Variants in IL15RA observed in about 807,000 individuals in gnomAD.
IL15RA encodes interleukin-15 receptor subunit alpha.
IL15RA carries 26 observed loss-of-function variants against 24.2 expected under a neutral mutation model. That is an observed-to-expected ratio of 1.07 (90% CI 0.79 to 1.49). IL15RA has a LOEUF of 1.49. Among genes scored for constraint, IL15RA ranks in the 40% most tolerant of loss-of-function variants. The probability of loss-of-function intolerance (pLI) is 0.00; values close to 1 mark genes in which losing one functional copy is unlikely to be tolerated. For synonymous variants in IL15RA, 166 were observed against 157.6 expected (o/e 1.05, Z -0.40); for missense variants, 354 against 356.4 (o/e 0.99, Z 0.05).
In IL15RA at chr10:5,953,239, G is replaced by C. The variant is rs1389399496; in HGVS notation, c.693-33C>G. On this transcript the variant is annotated intron_variant, in intron 6 of 6. Transcript: ENST00000379977. The surrounding 1 kb of genome is among the most constrained non-coding windows in gnomAD (Gnocchi z 5.3). ...GCAGGTGGTTCATAGGTTTTGAAAA[G>C]AGGAGGGGGTTGCCCTCAAATCAAC... 6.6e-7 allele frequency: 1 copy of C among 1,510,258 alleles called. No homozygotes were observed. Among genetic ancestry groups the C allele is most frequent in the Non-Finnish European group, 9.2e-7 (1 of 1,085,210 alleles). The allele number at this position is 1,510,258 out of a possible 1,614,324, so 93.6% of individuals were successfully genotyped here. A position where few individuals can be genotyped will look rare whatever the true frequency, so the allele number is the denominator to read the frequency against.
In IL15RA at chr10:5,964,091, A is replaced by G. The variant is rs1836067745; in HGVS notation, c.284-250T>C. The stretch of plus-strand genomic sequence containing the variant: ...TATCAAATTTATTTTGGCTGAGATT[A>G]TATTAATGATATCAATTCAATTTTA... On this transcript the variant is annotated intron_variant, in intron 2 of 6. Transcript: ENST00000379977. This position sits in a 1 kb window ranked among gnomAD's most constrained non-coding sequence, Gnocchi z 5.6. Among the ~76,000 whole-genome samples the G allele has an allele frequency of 6.6e-6, 1 of 152,254 alleles. No individual in the cohort carries two copies. Among genetic ancestry groups the G allele is most frequent in the Admixed American group, 6.5e-5 (1 of 15,286 alleles).
In IL15RA at chr10:5,955,715, T is replaced by C. The variant is rs549154567; in HGVS notation, c.692+664A>G. Among the ~76,000 whole-genome samples, 1 of 152,332 alleles carries C rather than the reference T, an allele frequency of 6.6e-6. No homozygotes were observed. Among genetic ancestry groups the C allele is most frequent in the Non-Finnish European group, 1.5e-5 (1 of 68,034 alleles). On this transcript the variant is annotated intron_variant, in intron 6 of 6. Transcript: ENST00000379977. This position sits in a 1 kb window ranked among gnomAD's most constrained non-coding sequence, Gnocchi z 5.3. ...TAGAAATACAAAATTAAGGCTAACATGAATCAGTATATTTATAAGAAGGCA... is the reference window on the plus strand; with the variant it reads ...TAGAAATACAAAATTAAGGCTAACACGAATCAGTATATTTATAAGAAGGCA...
chr10:5,957,651 G>A (rs117549019), intron 5 of IL15RA, among the ~76,000 whole-genome samples: 2,277 of 149,012 alleles, frequency 0.015, 44 homozygotes, highest in South Asian at 0.06. Context: ...GGAGTGCAGC[G>A]GCTCGAGTTT....
chr10:5,950,477 A>G (rs1477170094), downstream of IL15RA, among the ~76,000 whole-genome samples: 2 of 152,138 alleles, frequency 1.3e-5, no homozygotes, highest in Admixed American at 6.5e-5. This position sits in a 1 kb window ranked among gnomAD's most constrained non-coding sequence, Gnocchi z 5.6. Context: ...CTGCCCATTC[A>G]TTCACCCAAA....
rs8177784 is a variant in IL15RA, at chr10:5,959,710, G to A, written c.616+44C>T. 0.018 allele frequency: 29,399 copies of A among 1,595,008 alleles called. 410 individuals carry two copies. The highest frequency in any genetic ancestry group is 0.042 in the Middle Eastern group (254 of 6,010). ...GGACCACCCAGCACCCTGGGACTGC[G>A]GTCACCCTGATCATAAACATACCGG... On this transcript the variant is annotated intron_variant, in intron 5 of 6. Coordinates refer to ENST00000379977, the MANE Select transcript of IL15RA (RefSeq NM_002189.4). This position sits in a 1 kb window ranked among gnomAD's most constrained non-coding sequence, Gnocchi z 4.1.
chr10:5,952,444 T>C lies in IL15RA; in HGVS notation c.*651A>G, dbSNP rs1394228169. 2.0e-5 allele frequency: 3 copies of C among 152,688 alleles called. No homozygotes were observed. The highest frequency in any genetic ancestry group is 7.2e-5 in the African/African-American group (3 of 41,458). The allele number at this position is 152,688 out of a possible 1,614,324, so 9.5% of individuals were successfully genotyped here. On this transcript the variant is annotated 3_prime_UTR_variant, in exon 7 of 7. Coordinates refer to ENST00000379977, the MANE Select transcript of IL15RA (RefSeq NM_002189.4). ...GTACAATGTCAAAATACAAATAATA[T>C]ATAATGTATAGATATAATAGACAAG...
At chr10:5,949,064 ACTG>A, downstream of IL15RA, 1 of 358,248 alleles carries the variant, frequency 2.8e-6, no homozygotes, top group Non-Finnish European at 5.7e-6. This position sits in a 1 kb window ranked among gnomAD's most constrained non-coding sequence, Gnocchi z 4.4. Context: ...GAGAGGATTC[ACTG>A]GGCTTAGCAT....
At position 5,964,696 on chromosome 10, in the gene IL15RA, C is replaced by T. The variant is rs1017026971; in HGVS notation, c.284-855G>A. Among the ~76,000 whole-genome samples the T allele has an allele frequency of 1.3e-5, 2 of 152,150 alleles. No individual in the cohort carries two copies. The highest frequency in any genetic ancestry group is 4.8e-5 in the African/African-American group (2 of 41,414). ...TCTTCTCCATCCCGGATTCATTTGC[C>T]CAAAGGACATGGAGTGTCGAGGAGA... On this transcript the variant is annotated intron_variant, in intron 2 of 6. Coordinates refer to ENST00000379977, the MANE Select transcript of IL15RA (RefSeq NM_002189.4). The surrounding 1 kb of genome is among the most constrained non-coding windows in gnomAD (Gnocchi z 5.6).
At position 5,968,715 on chromosome 10, in the gene IL15RA, A is replaced by G; in HGVS notation, c.89-2376T>C. The stretch of plus-strand genomic sequence containing the variant: ...CCTTCTCTACCTGCCTAAACCACAG[A>G]GTGTTATTTCTCCACACTTGCCCAC... On this transcript the variant is annotated intron_variant, in intron 1 of 6. Transcript: ENST00000379977. This position sits in a 1 kb window ranked among gnomAD's most constrained non-coding sequence, Gnocchi z 5.4. 2 of 699,714 alleles carry G rather than the reference A, an allele frequency of 2.9e-6. No individual in the cohort carries two copies. The highest frequency in any genetic ancestry group is 2.0e-5 in the Admixed American group (1 of 49,918). The allele number at this position is 699,714 out of a possible 1,614,324, so 43.3% of individuals were successfully genotyped here. A position where few individuals can be genotyped will look rare whatever the true frequency, so the allele number is the denominator to read the frequency against.
At chr10:5,949,865 G>A (rs1833753563), downstream of IL15RA, among the ~76,000 whole-genome samples, 1 of 152,176 alleles carries the variant, frequency 6.6e-6, no homozygotes, top group Non-Finnish European at 1.5e-5. The surrounding 1 kb of genome is among the most constrained non-coding windows in gnomAD (Gnocchi z 4.4). Context: ...GGAGGCTGAG[G>A]CGGTTGGATC....
intron 1 of IL15RA, among the ~76,000 whole-genome samples, chr10:5,972,642 C>G (rs1037392891): frequency 6.6e-6 from 1 of 152,220 alleles, no homozygotes. Context: ...CAACTGCATA[C>G]ATGCCCACAT....
At position 5,956,323 on chromosome 10, in the gene IL15RA, C is replaced by A. The variant is rs1834511451; in HGVS notation, c.692+56G>T. Reference sequence around the variant, plus strand: ...AGCTACCGCGCCCGGCCAGGTGCAGCTCTTTTCTCATGGGGAAGTCTAACT... The same window carrying A: ...AGCTACCGCGCCCGGCCAGGTGCAGATCTTTTCTCATGGGGAAGTCTAACT... On this transcript the variant is annotated intron_variant, in intron 6 of 6. Transcript: ENST00000379977. 2.1e-6 allele frequency: 3 copies of A among 1,443,878 alleles called. No homozygotes were observed. In the South Asian group the frequency reaches 3.4e-5, roughly 17 times the overall value. 89.4% of individuals were successfully genotyped at this position (1,443,878 alleles called of 1,614,324 possible).
Position 5,958,206 on chromosome 10 carries a change from C to A in IL15RA, c.616+1548G>T. On this transcript the variant is annotated intron_variant, in intron 5 of 6. Transcript: ENST00000379977. The surrounding 1 kb of genome is among the most constrained non-coding windows in gnomAD (Gnocchi z 4.3). ...TTGTGTCCTGATATGGGAGGATCTA[C>A]AAGGTATACCAGCAAGTGGAAACAA... 2.5e-6 allele frequency: 1 copy of A among 395,208 alleles called. No individual in the cohort carries two copies. Among genetic ancestry groups the A allele is most frequent in the South Asian group, 1.8e-5 (1 of 55,766 alleles). 24.5% of individuals were successfully genotyped at this position (395,208 alleles called of 1,614,324 possible). A position where few individuals can be genotyped will look rare whatever the true frequency, so the allele number is the denominator to read the frequency against.
At position 5,968,882 on chromosome 10, in the gene IL15RA, A is replaced by G; in HGVS notation, c.89-2543T>C. On this transcript the variant is annotated intron_variant, in intron 1 of 6. Coordinates refer to ENST00000379977, the MANE Select transcript of IL15RA (RefSeq NM_002189.4). The surrounding 1 kb of genome is among the most constrained non-coding windows in gnomAD (Gnocchi z 5.4). Reference sequence around the variant, plus strand: ...TCTGGACCTCATGGTTGAAGCTTTCAGATATTCTGCTCCTTCCCGCCAGGA... The same window carrying G: ...TCTGGACCTCATGGTTGAAGCTTTCGGATATTCTGCTCCTTCCCGCCAGGA... The G allele has an allele frequency of 7.7e-7, 1 of 1,299,852 alleles. No homozygotes were observed. Among genetic ancestry groups the G allele is most frequent in the Middle Eastern group, 1.8e-4 (1 of 5,558 alleles). 80.5% of individuals were successfully genotyped at this position (1,299,852 alleles called of 1,614,324 possible).
Position 5,973,271 on chromosome 10 carries a change from A to C in IL15RA, c.88+4134T>G, listed in dbSNP as rs1012363626. Among the ~76,000 whole-genome samples, 1 of 152,226 alleles carries C rather than the reference A, an allele frequency of 6.6e-6. No homozygotes were observed. The highest frequency in any genetic ancestry group is 1.5e-5 in the Non-Finnish European group (1 of 68,040). On this transcript the variant is annotated intron_variant, in intron 1 of 6. Coordinates refer to ENST00000379977, the MANE Select transcript of IL15RA (RefSeq NM_002189.4). This position sits in a 1 kb window ranked among gnomAD's most constrained non-coding sequence, Gnocchi z 4.5. ...ATATTGATTTGTCCAACCCATGAAC[A>C]TGGTATATCTCTCCATTGATTTTGT...
rs1367256324 is a variant in IL15RA at position 5,963,541 on chromosome 10, T to C, written c.382+202A>G. Among the ~76,000 whole-genome samples, 2 of 152,222 alleles carry C rather than the reference T, an allele frequency of 1.3e-5. No homozygotes were observed. The highest frequency in any genetic ancestry group is 4.8e-5 in the African/African-American group (2 of 41,454). On this transcript the variant is annotated intron_variant, in intron 3 of 6. Coordinates refer to ENST00000379977, the MANE Select transcript of IL15RA (RefSeq NM_002189.4). This position sits in a 1 kb window ranked among gnomAD's most constrained non-coding sequence, Gnocchi z 5.3. Reference sequence around the variant, plus strand: ...TAAACCACTATTAATTCTGCACATATAACACCTGGATATCAAGCAACTTTG... The same window carrying C: ...TAAACCACTATTAATTCTGCACATACAACACCTGGATATCAAGCAACTTTG...
rs1238871111 is a variant in IL15RA, at chr10:5,968,188, A to T, written c.89-1849T>A. Among the ~76,000 whole-genome samples the T allele has an allele frequency of 6.6e-6, 1 of 152,154 alleles. No individual in the cohort carries two copies. Among genetic ancestry groups the T allele is most frequent in the Non-Finnish European group, 1.5e-5 (1 of 68,018 alleles). On this transcript the variant is annotated intron_variant, in intron 1 of 6. Coordinates refer to ENST00000379977, the MANE Select transcript of IL15RA (RefSeq NM_002189.4). The surrounding 1 kb of genome is among the most constrained non-coding windows in gnomAD (Gnocchi z 5.4). ...AAAATCAACACAAGACAAATACCCT[A>T]ATGGCCTAACTGGGCAAAGGACACA...
At position 5,953,308 on chromosome 10, in the gene IL15RA, G is replaced by A. The variant is rs1456135525; in HGVS notation, c.693-102C>T. ...ATGTATGTCCAGCACTGCGGGGATG[G>A]CAGGAGCAGACAGAGGCCCTGCCAC... On this transcript the variant is annotated intron_variant, in intron 6 of 6. Transcript: ENST00000379977. This position sits in a 1 kb window ranked among gnomAD's most constrained non-coding sequence, Gnocchi z 5.3. 1 of 850,912 alleles carries A rather than the reference G, an allele frequency of 1.2e-6. No homozygotes were observed. The highest frequency in any genetic ancestry group is 2.0e-6 in the Non-Finnish European group (1 of 499,756). The allele number at this position is 850,912 out of a possible 1,614,324, so 52.7% of individuals were successfully genotyped here. A position where few individuals can be genotyped will look rare whatever the true frequency, so the allele number is the denominator to read the frequency against.
rs188454420 is a variant in IL15RA at position 5,960,297 on chromosome 10, C to T, written c.583+70G>A. 2.6e-3 allele frequency: 3,624 copies of T among 1,384,428 alleles called. 7 individuals carry two copies. The highest frequency in any genetic ancestry group is 3.3e-3 in the Non-Finnish European group (3,231 of 974,084). The allele number at this position is 1,384,428 out of a possible 1,614,324, so 85.8% of individuals were successfully genotyped here. A position where few individuals can be genotyped will look rare whatever the true frequency, so the allele number is the denominator to read the frequency against. Reference sequence around the variant, plus strand: ...TTGATGGTATAAAGCTGCCTTGTGCCGGATCTCAGCCCCGATCTCAGAAGC... The same window carrying T: ...TTGATGGTATAAAGCTGCCTTGTGCTGGATCTCAGCCCCGATCTCAGAAGC... On this transcript the variant is annotated intron_variant, in intron 4 of 6. Transcript: ENST00000379977. The surrounding 1 kb of genome is among the most constrained non-coding windows in gnomAD (Gnocchi z 5.1).
Sources: allele counts gnomAD v4.1 joint callset (sites outside exome capture counted in the v4.1 genomes callset), GRCh38; gene constraint gnomAD v4.1.1; non-coding constraint Gnocchi (gnomAD v3.1); transcripts MANE v1.5; gene names NCBI Gene and HGNC (gene_info 2026-07-23, HGNC 2026-07-21).